MID1: variants seen among roughly 807,000 people sequenced by gnomAD.
MID1 encodes midline 1, also known as E3 ubiquitin-protein ligase Midline-1.
MID1 carries 7 observed loss-of-function variants against 40.4 expected under a neutral mutation model. The ratio of observed to expected loss-of-function variants is 0.17; its 90% CI spans 0.10 to 0.33. The LOEUF (loss-of-function observed/expected upper bound fraction) is 0.33. Ranked by LOEUF, MID1 falls within the 10% of genes least tolerant of loss-of-function variation. The pLI, the probability that MID1 is intolerant of heterozygous loss-of-function variation, is 1.00. For missense variants in MID1, 367 were observed against 558.5 expected, an observed-to-expected ratio of 0.66 and a Z score of 3.46; for synonymous variants, 229 against 221.2, an observed-to-expected ratio of 1.04 and a Z score of -0.31.
At chrX:10,724,389 T>C (rs1052875247) in intron 1 of MID1, among the ~76,000 whole-genome samples, 1 of 112,137 alleles carries the variant, frequency 8.9e-6, no homozygotes, top group Admixed American at 9.5e-5. Flanking sequence ...CAGAGTAAGA[T>C]GCTGGGTTTT....
chrX:10,679,425 T>A (rs2043044318), intron 1 of MID1, among the ~76,000 whole-genome samples: 1 of 111,920 alleles, frequency 8.9e-6, no homozygotes, highest in Non-Finnish European at 1.9e-5. Context: ...TTCCTGTAGG[T>A]TTACTCATCC....
chrX:10,817,397 T>C (rs921107310), intron 1 of MID1, among the ~76,000 whole-genome samples: 6 of 111,538 alleles, frequency 5.4e-5, no homozygotes, highest in Non-Finnish European at 1.1e-4. Flanking sequence ...CAAAATTAGA[T>C]ATGTTTATGA....
intron 1 of MID1, among the ~76,000 whole-genome samples, chrX:10,695,308 G>C (rs991555351): frequency 1.8e-5 from 2 of 111,188 alleles, no homozygotes; most frequent in Admixed American, 9.6e-5. Context: ...TGCATTTCTT[G>C]TAGAGATGGG....
chrX:10,609,715 C>CTTTTTTT (rs138559299), intron 1 of MID1, among the ~76,000 whole-genome samples: 14 of 86,388 alleles, frequency 1.6e-4, no homozygotes, highest in East Asian at 3.3e-4. Flanking sequence ...TTCTTTCTTT[C>CTTTTTTT]TTTTTTTTTT....
intron 1 of MID1, among the ~76,000 whole-genome samples, chrX:10,614,021 T>A (rs1935798563): frequency 9.2e-6 from 1 of 109,269 alleles, no homozygotes; most frequent in Non-Finnish European, 1.9e-5. Context: ...GAACACTTAA[T>A]GATTCTTATT....
intron 1 of MID1, among the ~76,000 whole-genome samples, chrX:10,604,910 T>C (rs1173649284): frequency 7.1e-5 from 8 of 112,551 alleles, no homozygotes; most frequent in African/African-American, 2.6e-4. Flanking sequence ...ATTCACAGAG[T>C]TGTTTAACAG....
At chrX:10,681,532 T>C (rs141358468) in intron 1 of MID1, among the ~76,000 whole-genome samples, 3,550 of 112,044 alleles carry the variant, frequency 0.032, 74 homozygotes, top group African/African-American at 0.073. Context: ...CCTCACAACA[T>C]GCTGTCTGGG....
At chrX:10,824,802 C>T (rs1226265295) in intron 1 of MID1, among the ~76,000 whole-genome samples, 2 of 110,817 alleles carry the variant, frequency 1.8e-5, no homozygotes, top group Non-Finnish European at 3.8e-5. Flanking sequence ...GCTTCCACTC[C>T]ACTTCCATCC....
intron 1 of MID1, among the ~76,000 whole-genome samples, chrX:10,728,194 C>CCG (rs1569156733): frequency 9.0e-6 from 1 of 110,779 alleles, no homozygotes; most frequent in African/African-American, 3.3e-5. Context: ...AACTTTTCCC[C>CCG]CCCCAGGAAA....
intron 3 of MID1, among the ~76,000 whole-genome samples, chrX:10,511,008 G>A (rs1932118442): frequency 1.8e-5 from 2 of 109,687 alleles, no homozygotes; most frequent in African/African-American, 6.6e-5. Flanking sequence ...ACTTTGGGAG[G>A]CCAAGGCGGG....
At chrX:10,782,269 C>T (rs1301259174) in intron 1 of MID1, among the ~76,000 whole-genome samples, 1 of 111,657 alleles carries the variant, frequency 9.0e-6, no homozygotes, top group Non-Finnish European at 1.9e-5. Flanking sequence ...ATTCTATGAC[C>T]TCAATGTGTT....
chrX:10,734,289 A>G (rs1348854540), intron 1 of MID1, among the ~76,000 whole-genome samples: 1 of 111,823 alleles, frequency 8.9e-6, no homozygotes, highest in Non-Finnish European at 1.9e-5. Context: ...ACGCAGGAAC[A>G]GAAAACCAAA....
At chrX:10,493,521 T>C (rs1391080823) in intron 4 of MID1, among the ~76,000 whole-genome samples, 1 of 111,924 alleles carries the variant, frequency 8.9e-6, no homozygotes, top group African/African-American at 3.2e-5. Flanking sequence ...AAGAAACTAG[T>C]AAGAGTAAGG....
chrX:10,678,289 C>T (rs1185478532), intron 1 of MID1, among the ~76,000 whole-genome samples: 7 of 111,740 alleles, frequency 6.3e-5, no homozygotes, highest in Non-Finnish European at 1.3e-4. Flanking sequence ...CCTCCTTTTC[C>T]TTGGCCATTT....
At chrX:10,729,238 G>C (rs942384937) in intron 1 of MID1, among the ~76,000 whole-genome samples, 1 of 111,823 alleles carries the variant, frequency 8.9e-6, no homozygotes, top group Non-Finnish European at 1.9e-5. Flanking sequence ...TTCCAACACA[G>C]CTAATGTAAG....
chrX:10,564,791 AG>A (rs1373376574), intron 2 of MID1, among the ~76,000 whole-genome samples: 1 of 111,619 alleles, frequency 9.0e-6, no homozygotes, highest in Non-Finnish European at 1.9e-5. Flanking sequence ...ATAAATATCA[AG>A]CCTGGGAGTT....
At chrX:10,463,463 AAT>A (rs1201992098) in intron 7 of MID1, among the ~76,000 whole-genome samples, 2 of 112,047 alleles carry the variant, frequency 1.8e-5, no homozygotes, top group South Asian at 7.4e-4. Context: ...CTTGTCACGC[AAT>A]ACAACATCTG....
chrX:10,764,557 C>T (rs1409974230), intron 1 of MID1, among the ~76,000 whole-genome samples: 1 of 111,082 alleles, frequency 9.0e-6, no homozygotes, highest in Non-Finnish European at 1.9e-5. Flanking sequence ...TCTTTTAAAC[C>T]TTAGAATTTT....
chrX:10,593,762 GACAC>G (rs57390547), intron 1 of MID1, among the ~76,000 whole-genome samples: 1,068 of 83,273 alleles, frequency 0.013, 14 homozygotes, highest in Admixed American at 0.029. Context: ...CTGTCCCTCT[GACAC>G]ACACACACAC....
Sources: gnomAD v4.1 joint callset for allele counts (sites outside exome capture counted in the v4.1 genomes callset) on GRCh38, gnomAD v4.1.1 for gene constraint, MANE v1.5 for transcripts, NCBI Gene and HGNC (gene_info 2026-07-23, HGNC 2026-07-21) for gene names.